RAB5A: variants seen among roughly 807,000 people sequenced by gnomAD.
The protein encoded by RAB5A is RAB5A, member RAS oncogene family, also known as ras-related protein Rab-5A.
In RAB5A, 8 loss-of-function variants were observed where a neutral mutation model predicts 25.7. The observed-to-expected ratio is 0.31, with a 90% confidence interval of 0.18 to 0.56. The LOEUF (loss-of-function observed/expected upper bound fraction) is 0.56, where lower values mean the gene tolerates loss of function less well. RAB5A is among the 20% of genes least tolerant of loss of function. RAB5A has a pLI of 0.91. For missense variants in RAB5A, 192 were observed against 259.7 expected (o/e 0.74, Z 1.79); for synonymous variants, 98 against 89.8 (o/e 1.09, Z -0.52).
At chr3:19,979,515 G>A (rs190450501) in intron 5 of RAB5A, among the ~76,000 whole-genome samples, 76 of 151,450 alleles carry the variant, frequency 5.0e-4, no homozygotes, top group Middle Eastern at 3.4e-3. Context: ...TCAATCTCCT[G>A]ACCTTGTGAT....
Position 19,976,044 on chromosome 3 carries a change from C to T in RAB5A, c.316-3C>T. 3 of 1,608,960 alleles carry T rather than the reference C, an allele frequency of 1.9e-6. No homozygotes were observed. Among genetic ancestry groups the T allele is most frequent in the Non-Finnish European group, 2.5e-6 (3 of 1,178,772 alleles). ...GCTCAATGGCTGTTTCTTTGTTTAA[C>T]AGGAGTCCTTTGCAAGAGCAAAAAA... On this transcript the variant is annotated splice_polypyrimidine_tract_variant and splice_region_variant and intron_variant, in intron 3 of 5. Coordinates refer to ENST00000273047, the MANE Select transcript of RAB5A (RefSeq NM_004162.5).
intron 1 of RAB5A, among the ~76,000 whole-genome samples, chr3:19,950,155 A>G (rs1696402364): frequency 6.6e-6 from 1 of 152,184 alleles, no homozygotes; most frequent in Admixed American, 6.5e-5. Flanking sequence ...AACTGTTAGC[A>G]TTTCTGTGTA....
At chr3:19,956,052 C>T (rs889003660) in intron 2 of RAB5A, among the ~76,000 whole-genome samples, 1 of 152,200 alleles carries the variant, frequency 6.6e-6, no homozygotes, top group Non-Finnish European at 1.5e-5. Flanking sequence ...TCTGTCCAAT[C>T]AAGAGTATTC....
chr3:19,952,042 A>C (rs1196599287), intron 2 of RAB5A, among the ~76,000 whole-genome samples: 1 of 152,022 alleles, frequency 6.6e-6, no homozygotes, highest in African/African-American at 2.4e-5. Flanking sequence ...TCAAGAGAGG[A>C]CGTGAAATGG....
At chr3:19,978,921 C>G (rs1696869992) in intron 5 of RAB5A, 1 of 151,430 alleles carries the variant, frequency 6.6e-6, no homozygotes, top group Admixed American at 6.6e-5. Flanking sequence ...AACATCCATA[C>G]TTTATATTAC....
At chr3:19,977,392 CTG>C (rs1169949007) in intron 4 of RAB5A, among the ~76,000 whole-genome samples, 3 of 152,208 alleles carry the variant, frequency 2.0e-5, no homozygotes, top group Admixed American at 6.6e-5. Context: ...CCTTTTAAAA[CTG>C]TGCCTGTTCT....
chr3:19,970,597 AAG>A (rs1429601481), intron 2 of RAB5A: 1 of 456,732 alleles, frequency 2.2e-6, no homozygotes. Flanking sequence ...TGGGCCCGAA[AAG>A]AAAACCAACT....
chr3:19,980,877 C>T (rs1050336829), intron 5 of RAB5A, among the ~76,000 whole-genome samples: 2 of 152,136 alleles, frequency 1.3e-5, no homozygotes, highest in Non-Finnish European at 2.9e-5. Flanking sequence ...ATTGCCCAAC[C>T]CAGCATCTAG....
At chr3:19,979,508 A>G (rs551815402) in intron 5 of RAB5A, among the ~76,000 whole-genome samples, 3 of 150,888 alleles carry the variant, frequency 2.0e-5, no homozygotes, top group East Asian at 2.0e-4. Context: ...GATGGTCTCA[A>G]TCTCCTGACC....
intron 2 of RAB5A, among the ~76,000 whole-genome samples, chr3:19,963,178 A>C (rs780614938): frequency 2.0e-5 from 3 of 152,220 alleles, no homozygotes; most frequent in African/African-American, 4.8e-5. Context: ...TATAATAGTC[A>C]CACTACTGTG....
intron 1 of RAB5A, among the ~76,000 whole-genome samples, chr3:19,949,000 A>C (rs1275893774): frequency 6.6e-6 from 1 of 152,170 alleles, no homozygotes; most frequent in Non-Finnish European, 1.5e-5. Flanking sequence ...TGTATATTAG[A>C]GATTGTTTAC....
At chr3:19,949,392 T>G (rs71316240) in intron 1 of RAB5A, among the ~76,000 whole-genome samples, 1 of 152,174 alleles carries the variant, frequency 6.6e-6, no homozygotes, top group Non-Finnish European at 1.5e-5. Context: ...CTTTCTTTTG[T>G]TTTTAATATA....
At chr3:19,950,034 T>C (rs1221538580) in intron 1 of RAB5A, among the ~76,000 whole-genome samples, 1 of 152,148 alleles carries the variant, frequency 6.6e-6, no homozygotes, top group Non-Finnish European at 1.5e-5. Context: ...CAAAACCCTT[T>C]CTCCAAAAAA....
At position 19,967,477 on chromosome 3, in the gene RAB5A, T is replaced by C. The variant is rs78458942; in HGVS notation, c.164-8124T>C. Among the ~76,000 whole-genome samples the C allele has an allele frequency of 9.6e-3, 1,465 of 152,264 alleles. 26 individuals are homozygous for C. Among genetic ancestry groups the C allele is most frequent in the African/African-American group, 0.031 (1,290 of 41,556 alleles). Reference sequence around the variant, plus strand: ...CATTTTCTAATCAGGTTTTTTGTTGTTGCTGAGTTGTAGGAGTTCCTTACA... The same window carrying C: ...CATTTTCTAATCAGGTTTTTTGTTGCTGCTGAGTTGTAGGAGTTCCTTACA... On this transcript the variant is annotated intron_variant, in intron 2 of 5. Coordinates refer to ENST00000273047, the MANE Select transcript of RAB5A (RefSeq NM_004162.5).
intron 2 of RAB5A, among the ~76,000 whole-genome samples, chr3:19,966,101 A>G (rs775769397): frequency 6.6e-6 from 1 of 152,168 alleles, no homozygotes; most frequent in African/African-American, 2.4e-5. Flanking sequence ...TTGAATATAC[A>G]GTTGAGTGGT....
chr3:19,957,370 A>G (rs190688140), intron 2 of RAB5A, among the ~76,000 whole-genome samples: 160 of 152,262 alleles, frequency 1.1e-3, no homozygotes, highest in Middle Eastern at 0.01. Flanking sequence ...TGTCCTCACC[A>G]TTAAAAAATA....
intron 2 of RAB5A, among the ~76,000 whole-genome samples, chr3:19,974,647 C>T (rs538328074): frequency 1.2e-4 from 18 of 150,656 alleles, no homozygotes; most frequent in South Asian, 2.1e-4. Context: ...AGGCCTGGTA[C>T]GGTGGCTCAC....
At chr3:19,978,192 T>G in intron 4 of RAB5A, 118 bp from the exon 5 acceptor site, 1 of 734,020 alleles carries the variant, frequency 1.4e-6, no homozygotes, top group Admixed American at 2.3e-5. Flanking sequence ...TTATAGATGA[T>G]TATAGGAATC....
chr3:19,981,699 G>A (rs1696930904), intron 5 of RAB5A, among the ~76,000 whole-genome samples: 1 of 152,054 alleles, frequency 6.6e-6, no homozygotes, highest in African/African-American at 2.4e-5. Flanking sequence ...AGGAGCATCT[G>A]TATATCCAGC....
Sources: gnomAD v4.1 joint callset for allele counts (sites outside exome capture counted in the v4.1 genomes callset) on GRCh38, gnomAD v4.1.1 for gene constraint, MANE v1.5 for transcripts, NCBI Gene and HGNC (gene_info 2026-07-23, HGNC 2026-07-21) for gene names.